Variants in B4GALT5 observed in about 807,000 individuals in gnomAD.
B4GALT5 encodes beta-1,4-galactosyltransferase 5, also known as UDP-Gal:beta-GlcNAc beta-1,4-galactosyltransferase 5.
In B4GALT5, 11 loss-of-function variants were observed where a neutral mutation model predicts 45.0. The ratio of observed to expected loss-of-function variants is 0.24; its 90% CI spans 0.15 to 0.40. The LOEUF is 0.40. Ranked by LOEUF, B4GALT5 falls within the 10% of genes least tolerant of loss-of-function variation. The probability of loss-of-function intolerance (pLI) is 1.00; values close to 1 mark genes in which losing one functional copy is unlikely to be tolerated. For synonymous variants in B4GALT5, 185 were observed against 182.9 expected, an observed-to-expected ratio of 1.01 and a Z score of -0.09; for missense variants, 337 against 500.2, an observed-to-expected ratio of 0.67 and a Z score of 3.11.
At chr20:49,681,855 G>A (rs1340208106) in intron 1 of B4GALT5, among the ~76,000 whole-genome samples, 1 of 152,356 alleles carries the variant, frequency 6.6e-6, no homozygotes, top group Middle Eastern at 3.4e-3. Flanking sequence ...CAGCACTTTG[G>A]AAGGCTGAGG....
chr20:49,683,001 G>A (rs1334055492), intron 1 of B4GALT5, among the ~76,000 whole-genome samples: 1 of 152,064 alleles, frequency 6.6e-6, no homozygotes, highest in Non-Finnish European at 1.5e-5. Context: ...GGCTGAGGTG[G>A]GAAGTCTGCT....
At chr20:49,637,242 G>A (rs936574285) in intron 8 of B4GALT5, 99 bp downstream of exon 8, 30 of 1,037,344 alleles carry the variant, frequency 2.9e-5, no homozygotes, top group Non-Finnish European at 3.5e-5. Flanking sequence ...ACAGGGCCTC[G>A]GGGTGGGGAG....
At chr20:49,640,249 T>C (rs2085570953) in intron 6 of B4GALT5, among the ~76,000 whole-genome samples, 1 of 152,234 alleles carries the variant, frequency 6.6e-6, no homozygotes, top group South Asian at 2.1e-4. Flanking sequence ...AACCTTTGTG[T>C]CTGGCTTCTT....
chr20:49,692,896 C>T (rs946058681), intron 1 of B4GALT5, among the ~76,000 whole-genome samples: 5 of 152,200 alleles, frequency 3.3e-5, no homozygotes, highest in Non-Finnish European at 5.9e-5. Flanking sequence ...CGCATAATGA[C>T]GTTTCAGTCA....
At chr20:49,684,770 AG>A (rs1270205170) in intron 1 of B4GALT5, among the ~76,000 whole-genome samples, 1 of 152,222 alleles carries the variant, frequency 6.6e-6, no homozygotes, top group East Asian at 1.9e-4. Context: ...GGCATGCGGT[AG>A]GATTAGAGTT....
intron 1 of B4GALT5, among the ~76,000 whole-genome samples, chr20:49,701,548 T>C (rs1453881527): frequency 1.3e-5 from 2 of 152,162 alleles, no homozygotes; most frequent in African/African-American, 2.4e-5. Flanking sequence ...AGCCTGTTTC[T>C]CTTCACCACC....
chr20:49,688,581 A>G (rs970550345), intron 1 of B4GALT5, among the ~76,000 whole-genome samples: 1 of 152,132 alleles, frequency 6.6e-6, no homozygotes. Flanking sequence ...GGTCGCTACA[A>G]TTTTTTTATA....
intron 1 of B4GALT5, among the ~76,000 whole-genome samples, chr20:49,688,979 G>C (rs1224234504): frequency 1.3e-5 from 2 of 151,382 alleles, no homozygotes; most frequent in Non-Finnish European, 2.9e-5. Context: ...TTTAATATTG[G>C]GTAAGACAGA....
intron 4 of B4GALT5, among the ~76,000 whole-genome samples, chr20:49,642,947 T>G (rs1297908662): frequency 1.3e-5 from 2 of 152,262 alleles, no homozygotes; most frequent in East Asian, 3.9e-4. Flanking sequence ...TGCTGGTTAT[T>G]CAACTGTTTT....
chr20:49,681,193 G>A (rs1444618698), intron 1 of B4GALT5, among the ~76,000 whole-genome samples: 1 of 118,224 alleles, frequency 8.5e-6, no homozygotes, highest in Non-Finnish European at 1.6e-5. Context: ...TCCAGCCTGC[G>A]CAACAGAGCA....
At chr20:49,668,296 G>A (rs1488814653) in intron 1 of B4GALT5, among the ~76,000 whole-genome samples, 1 of 151,784 alleles carries the variant, frequency 6.6e-6, no homozygotes. Flanking sequence ...TGACCTATTA[G>A]TCTACCATCT....
At chr20:49,680,067 T>A (rs1249589874) in intron 1 of B4GALT5, among the ~76,000 whole-genome samples, 1 of 152,238 alleles carries the variant, frequency 6.6e-6, no homozygotes, top group East Asian at 1.9e-4. Context: ...AGGTTTTCTA[T>A]CTATTTCAAA....
At position 49,656,673 on chromosome 20, in the gene B4GALT5, G is replaced by A. The variant is rs1464089312; in HGVS notation, c.145C>T (p.Gln49Ter). 1.2e-6 allele frequency: 2 copies of A among 1,613,886 alleles called. No individual in the cohort carries two copies. The highest frequency in any genetic ancestry group is 1.7e-6 in the Non-Finnish European group (2 of 1,180,004). Residue 49 changes from glutamine (Q) to a stop codon, truncating the protein, a stop_gained, in exon 2 of 9, where the codon CAA (glutamine) becomes TAA (stop). Coordinates refer to ENST00000371711, the MANE Select transcript of B4GALT5 (RefSeq NM_004776.4). LOFTEE classifies it high-confidence loss of function. The part of the protein sequence containing the change: ...VNTYLFMMQA[Q>*]GILIRDNVRT... ...ACGTTGTCCCGGATCAGAATGCCTT[G>A]GGCTTGCATCATGAAGAGGTAGGTG...
At chr20:49,663,207 G>C (rs1182055065) in intron 1 of B4GALT5, among the ~76,000 whole-genome samples, 1 of 152,188 alleles carries the variant, frequency 6.6e-6, no homozygotes, top group East Asian at 1.9e-4. Context: ...CTGGAGTGCA[G>C]GAGAGTTGAA....
chr20:49,700,912 T>TA (rs1293889305), intron 1 of B4GALT5, among the ~76,000 whole-genome samples: 1 of 152,218 alleles, frequency 6.6e-6, no homozygotes, highest in Non-Finnish European at 1.5e-5. Flanking sequence ...AAACTCTGGA[T>TA]AAGGGGGTGA....
At chr20:49,688,661 G>A (rs1001784394) in intron 1 of B4GALT5, among the ~76,000 whole-genome samples, 1 of 152,114 alleles carries the variant, frequency 6.6e-6, no homozygotes, top group Non-Finnish European at 1.5e-5. Context: ...TGTCAAGGCC[G>A]GGTGCAGTGG....
chr20:49,679,441 G>A lies in B4GALT5; in HGVS notation c.116-22739C>T, dbSNP rs554996470. On this transcript the variant is annotated intron_variant, in intron 1 of 8. Transcript: ENST00000371711. Reference sequence around the variant, plus strand: ...CCCAGCACTTTGGGAGGCCGAGACAGGCGGATCATGAGGTCAGAAGTTCGA... The same window carrying A: ...CCCAGCACTTTGGGAGGCCGAGACAAGCGGATCATGAGGTCAGAAGTTCGA... 2.6e-5 allele frequency among the ~76,000 whole-genome samples: 4 copies of A among 152,098 alleles called. No individual in the cohort carries two copies. In the East Asian group the frequency reaches 5.8e-4, roughly 22 times the overall value.
intron 2 of B4GALT5, among the ~76,000 whole-genome samples, chr20:49,651,397 T>TG (rs1201269351): frequency 2.6e-5 from 4 of 151,884 alleles, no homozygotes; most frequent in Admixed American, 1.3e-4. Flanking sequence ...GAGACCAGCC[T>TG]GGCCAACATA....
intron 1 of B4GALT5, among the ~76,000 whole-genome samples, chr20:49,693,832 A>C (rs1273608689): frequency 6.6e-6 from 1 of 152,216 alleles, no homozygotes; most frequent in East Asian, 1.9e-4. Flanking sequence ...TGCATAAAGA[A>C]CAACTCTTTG....
Sources: allele counts gnomAD v4.1 joint callset (sites outside exome capture counted in the v4.1 genomes callset), GRCh38; gene constraint gnomAD v4.1.1; transcripts MANE v1.5; gene names NCBI Gene and HGNC (gene_info 2026-07-23, HGNC 2026-07-21).